HEMK2: variants seen among roughly 807,000 people sequenced by gnomAD.
HEMK2 encodes the protein HemK methyltransferase 2, ETF1 glutamine and histone H4 lysine.
At chr21:28,678,810 G>A in the HEMK2 span, among the ~76,000 whole-genome samples, 1 of 152,142 alleles carries the variant, frequency 6.6e-6, no homozygotes. Flanking sequence ...CATAAGTGAA[G>A]GAGAAATAAA....
the HEMK2 span, among the ~76,000 whole-genome samples, chr21:28,677,985 C>T: frequency 5.6e-3 from 761 of 135,568 alleles, no homozygotes; most frequent in South Asian, 8.4e-3. Flanking sequence ...AAAATCAGAG[C>T]GCCTCTCCTC....
the HEMK2 span, among the ~76,000 whole-genome samples, chr21:28,861,478 C>T: frequency 6.6e-6 from 1 of 152,198 alleles, no homozygotes; most frequent in African/African-American, 2.4e-5. Flanking sequence ...AGAATCACGG[C>T]CCCTCAATCA....
chr21:28,701,963 G>A, the HEMK2 span, among the ~76,000 whole-genome samples: 15 of 152,022 alleles, frequency 9.9e-5, no homozygotes, highest in Middle Eastern at 3.4e-3. Flanking sequence ...AAAACAGCAC[G>A]GTACCACTAC....
chr21:28,849,044 C>T, the HEMK2 span, among the ~76,000 whole-genome samples: 1 of 152,206 alleles, frequency 6.6e-6, no homozygotes, highest in African/African-American at 2.4e-5. Context: ...TGTGAGTTAG[C>T]ACAGATCCTA....
the HEMK2 span, among the ~76,000 whole-genome samples, chr21:28,822,469 A>G: frequency 6.6e-6 from 1 of 152,140 alleles, no homozygotes; most frequent in Non-Finnish European, 1.5e-5. Context: ...TAGGAGACCA[A>G]TTGCAACAAA....
chr21:28,841,328 TA>T, the HEMK2 span, among the ~76,000 whole-genome samples: 1 of 17,556 alleles, frequency 5.7e-5, no homozygotes, highest in Non-Finnish European at 7.9e-5. Flanking sequence ...ATATATTATA[TA>T]TAAATATATA....
chr21:28,865,206 C>T, the HEMK2 span, among the ~76,000 whole-genome samples: 50 of 152,242 alleles, frequency 3.3e-4, no homozygotes, highest in African/African-American at 1.1e-3. Context: ...TGCTCTCTTG[C>T]CCAGGCTGGA....
At chr21:28,745,246 G>A in the HEMK2 span, among the ~76,000 whole-genome samples, 1 of 152,110 alleles carries the variant, frequency 6.6e-6, no homozygotes, top group Non-Finnish European at 1.5e-5. Flanking sequence ...GTCATCTCGT[G>A]GTCAGTATGC....
chr21:28,672,683 G>A, the HEMK2 span, among the ~76,000 whole-genome samples: 1 of 152,160 alleles, frequency 6.6e-6, no homozygotes, highest in Non-Finnish European at 1.5e-5. Context: ...TTAAGGTGGT[G>A]CTGTATTAGT....
the HEMK2 span, among the ~76,000 whole-genome samples, chr21:28,757,040 A>T: frequency 1.3e-5 from 2 of 152,216 alleles, no homozygotes; most frequent in African/African-American, 4.8e-5. Context: ...TTTGAACTCT[A>T]CTACACATAC....
the HEMK2 span, among the ~76,000 whole-genome samples, chr21:28,684,693 C>T: frequency 6.6e-6 from 1 of 152,202 alleles, no homozygotes; most frequent in Non-Finnish European, 1.5e-5. Flanking sequence ...GACATCAACA[C>T]GTGAATGGGG....
the HEMK2 span, among the ~76,000 whole-genome samples, chr21:28,862,488 A>G: frequency 2.1e-5 from 3 of 144,004 alleles, 1 homozygote; most frequent in African/African-American, 8.3e-5. Flanking sequence ...AAATACAAAA[A>G]ATTAGCCTGG....
At chr21:28,865,154 T>C in the HEMK2 span, among the ~76,000 whole-genome samples, 1 of 152,120 alleles carries the variant, frequency 6.6e-6, no homozygotes. Flanking sequence ...CTTTTAGTTT[T>C]TCTTTTGTTT....
At chr21:28,763,467 G>A in the HEMK2 span, among the ~76,000 whole-genome samples, 3 of 152,048 alleles carry the variant, frequency 2.0e-5, no homozygotes, top group African/African-American at 7.2e-5. Context: ...CAAGGGGATG[G>A]TGCTAAGCTC....
At chr21:28,701,923 T>C in the HEMK2 span, among the ~76,000 whole-genome samples, 9 of 152,220 alleles carry the variant, frequency 5.9e-5, no homozygotes, top group East Asian at 1.5e-3. Context: ...ATTTCTCAAT[T>C]TCAGACTGTA....
chr21:28,839,868 C>T, the HEMK2 span, among the ~76,000 whole-genome samples: 1 of 151,978 alleles, frequency 6.6e-6, no homozygotes, highest in Non-Finnish European at 1.5e-5. Context: ...AAAAACAATT[C>T]CAAAATTCAT....
chr21:28,659,254 T>A, the HEMK2 span, among the ~76,000 whole-genome samples: 85 of 152,252 alleles, frequency 5.6e-4, 1 homozygote, highest in Non-Finnish European at 1.0e-3. Flanking sequence ...TTGTTCTACA[T>A]GATTTAATAA....
At chr21:28,779,316 A>G in the HEMK2 span, among the ~76,000 whole-genome samples, 1 of 152,238 alleles carries the variant, frequency 6.6e-6, no homozygotes, top group African/African-American at 2.4e-5. Flanking sequence ...CATTTGTGAG[A>G]ACACAGATGA....
chr21:28,689,596 G>A, the HEMK2 span, among the ~76,000 whole-genome samples: 2 of 152,044 alleles, frequency 1.3e-5, no homozygotes, highest in Non-Finnish European at 2.9e-5. Context: ...CCTTTGGCAG[G>A]CAGAATTCTA....
Sources: allele counts gnomAD v4.1 joint callset (sites outside exome capture counted in the v4.1 genomes callset), GRCh38; gene constraint gnomAD v4.1.1; transcripts MANE v1.5; gene names NCBI Gene and HGNC (gene_info 2026-07-23, HGNC 2026-07-21).